ARMH4: variants seen among roughly 807,000 people sequenced by gnomAD.
ARMH4 encodes armadillo-like helical domain-containing protein 4.
Under a neutral mutation model 61.9 loss-of-function variants are expected in ARMH4, and 49 were observed. That is an observed-to-expected ratio of 0.79 (90% confidence interval 0.63 to 1.00). The LOEUF (loss-of-function observed/expected upper bound fraction) is 1.00. Among genes scored for constraint, ARMH4 ranks in the 50% least tolerant of loss-of-function variants. The probability of loss-of-function intolerance (pLI) is 0.00; values close to 1 mark genes in which losing one functional copy is unlikely to be tolerated. For missense variants in ARMH4, 934 were observed against 930.0 expected, an observed-to-expected ratio of 1.00 and a Z score of -0.06; for synonymous variants, 368 against 341.5, an observed-to-expected ratio of 1.08 and a Z score of -0.85.
intron 5 of ARMH4, among the ~76,000 whole-genome samples, chr14:58,020,603 G>C (rs1882788977): frequency 6.6e-6 from 1 of 152,012 alleles, no homozygotes; most frequent in Non-Finnish European, 1.5e-5. Flanking sequence ...GTGTGTGTGG[G>C]GTGAGGGGAC....
At chr14:58,126,565 C>T (rs8017387) in intron 4 of ARMH4, among the ~76,000 whole-genome samples, 25,853 of 152,064 alleles carry the variant, frequency 0.17, 3,824 homozygotes, top group African/African-American at 0.41. Flanking sequence ...ATCTCTGAAA[C>T]AGATTAAACA....
At chr14:58,114,032 G>A (rs1343893097) in intron 4 of ARMH4, among the ~76,000 whole-genome samples, 1 of 151,852 alleles carries the variant, frequency 6.6e-6, no homozygotes, top group African/African-American at 2.4e-5. Context: ...ACTTGGCTTT[G>A]TCTTTTCTGC....
At position 58,102,779 on chromosome 14, in the gene ARMH4, CCGCAG is replaced by C. The variant is rs1401518787; in HGVS notation, c.1832-5803_1832-5799del. On this transcript the variant is annotated intron_variant, in intron 4 of 7. Coordinates refer to ENST00000267485, the MANE Select transcript of ARMH4 (RefSeq NM_001001872.4). ...TGAGCCGAGATTGCGCCACTGCAGTCCGCAGTCCGGCCTGGGCGACAGAGCGAGAC... is the reference window on the plus strand; with the variant it reads ...TGAGCCGAGATTGCGCCACTGCAGTCTCCGGCCTGGGCGACAGAGCGAGAC... 1.3e-3 allele frequency among the ~76,000 whole-genome samples: 185 copies of C among 142,806 alleles called. 1 individual carries two copies. Among genetic ancestry groups the C allele is most frequent in the Non-Finnish European group, 2.4e-3 (159 of 66,120 alleles). 93.7% of individuals were successfully genotyped at this position (142,806 alleles called of 152,430 possible). A position where few individuals can be genotyped will look rare whatever the true frequency, so the allele number is the denominator to read the frequency against.
chr14:58,135,370 C>T (rs1179394889), intron 2 of ARMH4, among the ~76,000 whole-genome samples: 1 of 152,164 alleles, frequency 6.6e-6, no homozygotes, highest in African/African-American at 2.4e-5. Flanking sequence ...AAGACAATAA[C>T]ATATAGTTTT....
intron 5 of ARMH4, among the ~76,000 whole-genome samples, chr14:58,081,390 G>A (rs1885220915): frequency 6.6e-6 from 1 of 152,164 alleles, no homozygotes; most frequent in East Asian, 1.9e-4. Flanking sequence ...GTGCTCGCTT[G>A]TACAAAATGA....
In ARMH4 at chr14:58,138,740, A is replaced by C; in HGVS notation, c.619T>G (p.Ser207Ala). The C allele has an allele frequency of 6.2e-7, 1 of 1,614,184 alleles. No individual in the cohort carries two copies. The highest frequency in any genetic ancestry group is 1.7e-5 in the Admixed American group (1 of 60,030). The change falls in exon 2 of 8, where the codon TCA becomes GCA. Residue 207 changes from serine (S) to alanine (A), a missense_variant. Transcript: ENST00000267485. The stretch of plus-strand genomic sequence containing the variant: ...ATTTCCTTAGTATTCACATAGGATG[A>C]AGGTGAATGTCCCAAACCAACTCCT... ...QEGVGLGHSP[S>A]SYVNTKEMLT...
chr14:58,011,526 T>C (rs1045421314), intron 6 of ARMH4, among the ~76,000 whole-genome samples: 2 of 152,098 alleles, frequency 1.3e-5, no homozygotes, highest in East Asian at 3.9e-4. Context: ...TCTTTATGAG[T>C]AATTCAGTTT....
At chr14:58,127,740 C>T (rs1304338151) in intron 4 of ARMH4, among the ~76,000 whole-genome samples, 2 of 152,122 alleles carry the variant, frequency 1.3e-5, no homozygotes, top group Admixed American at 6.5e-5. Flanking sequence ...TTCAGTGTTC[C>T]TGTCACTGTA....
rs766964604 is a variant in ARMH4 at position 58,138,777 on chromosome 14, A to C, written c.582T>G (p.Thr194=). 6 of 1,614,092 alleles carry C rather than the reference A, an allele frequency of 3.7e-6. No homozygotes were observed. The South Asian group carries it at 6.6e-5, about 18-fold the overall frequency. ...CCAAACCAACTCCTTCCTGACTTTC[A>C]GTTGCAAATGATTGATTATCCATAT... is the stretch of plus-strand genomic sequence containing the variant. The part of the protein sequence containing the change: ...LKYMDNQSFA[T]ESQEGVGLGH... Residue 194 remains threonine (T), a synonymous_variant, in exon 2 of 8, where the codon ACT becomes ACG. Transcript: ENST00000267485.
intron 1 of ARMH4, among the ~76,000 whole-genome samples, chr14:58,141,822 T>TA (rs1235690586): frequency 1.3e-5 from 2 of 152,162 alleles, no homozygotes; most frequent in Non-Finnish European, 2.9e-5. Flanking sequence ...GCCACAACTA[T>TA]AAAAGTTACA....
At chr14:58,110,818 T>C (rs1365178458) in intron 4 of ARMH4, among the ~76,000 whole-genome samples, 2 of 151,960 alleles carry the variant, frequency 1.3e-5, no homozygotes, top group African/African-American at 4.8e-5. Flanking sequence ...ACCTCCCGGG[T>C]TCAAGTGATT....
At chr14:58,012,184 C>G (rs1276330362) in intron 5 of ARMH4, 34 bp from the exon 6 acceptor site, 1 of 1,240,758 alleles carries the variant, frequency 8.1e-7, no homozygotes, top group East Asian at 2.5e-5. Flanking sequence ...AATGAAATAA[C>G]CATCTTTTAC....
intron 1 of ARMH4, among the ~76,000 whole-genome samples, chr14:58,141,023 A>C (rs1043511685): frequency 2.0e-5 from 3 of 152,124 alleles, no homozygotes; most frequent in African/African-American, 7.2e-5. Flanking sequence ...ATCTACTGTC[A>C]CCTTGATCTT....
At chr14:58,116,357 A>T (rs1458160764) in intron 4 of ARMH4, 1 of 362,086 alleles carries the variant, frequency 2.8e-6, no homozygotes, top group Admixed American at 2.8e-5. Context: ...TTTTGGATTC[A>T]ATTTCCATTT....
intron 5 of ARMH4, among the ~76,000 whole-genome samples, chr14:58,022,978 T>C (rs1017378773): frequency 6.6e-6 from 1 of 152,202 alleles, no homozygotes; most frequent in African/African-American, 2.4e-5. Flanking sequence ...AATAAACACA[T>C]CCATACTTTA....
intron 5 of ARMH4, among the ~76,000 whole-genome samples, chr14:58,084,809 G>A (rs1217333404): frequency 6.6e-6 from 1 of 152,160 alleles, no homozygotes; most frequent in Non-Finnish European, 1.5e-5. Flanking sequence ...GGGACCTGTT[G>A]TTGACCATAT....
chr14:58,070,050 T>C (rs530367472), intron 5 of ARMH4, among the ~76,000 whole-genome samples: 1 of 152,244 alleles, frequency 6.6e-6, no homozygotes, highest in South Asian at 2.1e-4. Context: ...CAAAGAAGGG[T>C]AAATTGAACA....
chr14:58,042,169 A>C (rs1036485619), intron 5 of ARMH4, among the ~76,000 whole-genome samples: 2 of 152,146 alleles, frequency 1.3e-5, no homozygotes, highest in Non-Finnish European at 2.9e-5. Context: ...CATCACATTT[A>C]TTCTTCCAAA....
chr14:58,120,131 T>C (rs778489470), intron 4 of ARMH4, among the ~76,000 whole-genome samples: 10 of 152,060 alleles, frequency 6.6e-5, no homozygotes, highest in Non-Finnish European at 1.2e-4. Flanking sequence ...GCTCCTAGGC[T>C]CCAAACATGT....
Sources: allele counts gnomAD v4.1 joint callset (sites outside exome capture counted in the v4.1 genomes callset), GRCh38; gene constraint gnomAD v4.1.1; transcripts MANE v1.5; gene names NCBI Gene and HGNC (gene_info 2026-07-23, HGNC 2026-07-21).